ASIC2: variants seen among roughly 807,000 people sequenced by gnomAD.
The protein encoded by ASIC2 is acid-sensing ion channel 2.
In ASIC2, 25 loss-of-function variants were observed where a neutral mutation model predicts 57.3. The ratio of observed to expected loss-of-function variants is 0.44; its 90% CI spans 0.32 to 0.61. ASIC2 has a LOEUF of 0.61. ASIC2 is among the 20% of genes least tolerant of loss of function. The probability of loss-of-function intolerance (pLI) is 0.06; values close to 1 mark genes in which losing one functional copy is unlikely to be tolerated. For synonymous variants in ASIC2, 319 were observed against 307.5 expected, an observed-to-expected ratio of 1.04 and a Z score of -0.39; for missense variants, 641 against 738.1, an observed-to-expected ratio of 0.87 and a Z score of 1.52.
At chr17:33,067,137 G>A (rs1271351879) in intron 3 of ASIC2, among the ~76,000 whole-genome samples, 3 of 124,148 alleles carry the variant, frequency 2.4e-5, no homozygotes, top group Non-Finnish European at 5.5e-5. Flanking sequence ...CCAAAATAGA[G>A]TTCTTGCAGA....
intron 1 of ASIC2, among the ~76,000 whole-genome samples, chr17:33,824,522 A>G (rs757792220): frequency 6.6e-6 from 1 of 152,182 alleles, no homozygotes; most frequent in Non-Finnish European, 1.5e-5. Flanking sequence ...ATCAGATTCT[A>G]TTGAAATATC....
chr17:33,583,594 A>C (rs1337505000), intron 1 of ASIC2, among the ~76,000 whole-genome samples: 3 of 152,196 alleles, frequency 2.0e-5, no homozygotes, highest in Non-Finnish European at 4.4e-5. Flanking sequence ...CCCAAACTCC[A>C]AGACAATGCC....
intron 1 of ASIC2, among the ~76,000 whole-genome samples, chr17:33,739,925 A>C (rs1426260277): frequency 1.3e-5 from 2 of 150,910 alleles, no homozygotes; most frequent in East Asian, 3.8e-4. Flanking sequence ...AAGAAAAAAG[A>C]AAGAAAAAAG....
chr17:33,182,808 T>C (rs906350533), intron 1 of ASIC2, among the ~76,000 whole-genome samples: 32 of 152,328 alleles, frequency 2.1e-4, no homozygotes, highest in Middle Eastern at 3.4e-3. Context: ...AGGTACACAA[T>C]GGTAGACTGC....
At chr17:33,606,459 G>T (rs1905234937) in intron 1 of ASIC2, among the ~76,000 whole-genome samples, 1 of 152,114 alleles carries the variant, frequency 6.6e-6, no homozygotes, top group Non-Finnish European at 1.5e-5. Context: ...GAGGCATACG[G>T]GCTCCACAGC....
chr17:33,470,556 C>A (rs185386409), intron 1 of ASIC2, among the ~76,000 whole-genome samples: 28 of 152,330 alleles, frequency 1.8e-4, no homozygotes, highest in Non-Finnish European at 1.5e-5. Context: ...TGAGATTCTG[C>A]ATTTCTAATT....
chr17:33,083,155 A>G (rs2092120036), intron 3 of ASIC2, among the ~76,000 whole-genome samples: 1 of 152,190 alleles, frequency 6.6e-6, no homozygotes, highest in African/African-American at 2.4e-5. Context: ...TTGATTATCC[A>G]GTTGTACTTC....
chr17:34,015,228 T>C (rs1435390828), intron 1 of ASIC2, among the ~76,000 whole-genome samples: 1 of 152,116 alleles, frequency 6.6e-6, no homozygotes, highest in Non-Finnish European at 1.5e-5. Flanking sequence ...TCTTCATCTT[T>C]AAGTCTGGGG....
At chr17:34,149,114 C>T (rs1348566352) in intron 1 of ASIC2, among the ~76,000 whole-genome samples, 24 of 141,728 alleles carry the variant, frequency 1.7e-4, no homozygotes, top group South Asian at 2.2e-4. Flanking sequence ...TTTTTCTTTT[C>T]TTTTTTTTTT....
At chr17:33,870,860 G>A (rs537264220) in intron 1 of ASIC2, among the ~76,000 whole-genome samples, 1 of 152,254 alleles carries the variant, frequency 6.6e-6, no homozygotes, top group South Asian at 2.1e-4. Context: ...ACATATGTAG[G>A]CTTAATATAA....
At chr17:33,877,266 TG>T (rs1914571897) in intron 1 of ASIC2, among the ~76,000 whole-genome samples, 1 of 152,076 alleles carries the variant, frequency 6.6e-6, no homozygotes, top group Non-Finnish European at 1.5e-5. Flanking sequence ...TGTCGGACAG[TG>T]GGTGCAGGAC....
At chr17:33,080,048 C>T (rs1477296542) in intron 3 of ASIC2, among the ~76,000 whole-genome samples, 1 of 151,970 alleles carries the variant, frequency 6.6e-6, no homozygotes, top group African/African-American at 2.4e-5. Flanking sequence ...AATGTTGGGT[C>T]TGGAGCTCAG....
rs1025013445 is a variant in ASIC2, at chr17:33,855,683, G to C, written c.555+300295C>G. Among the ~76,000 whole-genome samples the C allele has an allele frequency of 1.2e-4, 18 of 152,162 alleles. 1 individual carries two copies. Among genetic ancestry groups the C allele is most frequent in the Admixed American group, 1.2e-3 (18 of 15,286 alleles). ...GACGATGGGGATGATAATGATGATG[G>C]GGGCAGGTTGAGGGTGGTGCTATGT... is the stretch of plus-strand genomic sequence containing the variant. On this transcript the variant is annotated intron_variant, in intron 1 of 9. Coordinates refer to the ASIC2 transcript ENST00000359872.
chr17:33,732,764 A>G (rs1909787119), intron 1 of ASIC2, among the ~76,000 whole-genome samples: 1 of 152,054 alleles, frequency 6.6e-6, no homozygotes, highest in African/African-American at 2.4e-5. Context: ...CAGCCTTCTG[A>G]GTAGCTGGGA....
At position 33,017,471 on chromosome 17, in the gene ASIC2, T is replaced by A. The variant is rs1284909348; in HGVS notation, c.1521+134A>T. 3 of 719,768 alleles carry A rather than the reference T, an allele frequency of 4.2e-6. No individual in the cohort carries two copies. The African/African-American group carries it at 5.4e-5, about 13-fold the overall frequency. 44.6% of individuals were successfully genotyped at this position (719,768 alleles called of 1,614,324 possible). On this transcript the variant is annotated intron_variant, in intron 8 of 9. Transcript: ENST00000225823. ...GAGCCTGGGCTTCAGTGATCGACTCTATTGGTGGACAGGAGGGGAAGCAGG... is the reference window on the plus strand; with the variant it reads ...GAGCCTGGGCTTCAGTGATCGACTCAATTGGTGGACAGGAGGGGAAGCAGG...
intron 1 of ASIC2, among the ~76,000 whole-genome samples, chr17:33,532,816 C>T (rs1341122666): frequency 6.6e-6 from 1 of 152,232 alleles, no homozygotes. Flanking sequence ...AACCTCTCCT[C>T]TTTCTGCCTA....
At chr17:33,206,001 T>C (rs1444303642) in intron 1 of ASIC2, among the ~76,000 whole-genome samples, 1 of 152,136 alleles carries the variant, frequency 6.6e-6, no homozygotes, top group Non-Finnish European at 1.5e-5. Context: ...ATGTTTCAAA[T>C]AAAATGCTCT....
chr17:33,400,302 C>G (rs544455194), intron 1 of ASIC2, among the ~76,000 whole-genome samples: 1 of 152,316 alleles, frequency 6.6e-6, no homozygotes, highest in African/African-American at 2.4e-5. Context: ...AAGGAAGAAG[C>G]AGTGCTCAGG....
chr17:34,153,612 G>A (rs1904608505), intron 1 of ASIC2, among the ~76,000 whole-genome samples: 1 of 152,174 alleles, frequency 6.6e-6, no homozygotes, highest in Non-Finnish European at 1.5e-5. Context: ...GTGCCCAGCT[G>A]GGGCCAGAGA....
Sources: gnomAD v4.1 joint callset for allele counts (sites outside exome capture counted in the v4.1 genomes callset) on GRCh38, gnomAD v4.1.1 for gene constraint, MANE v1.5 for transcripts, NCBI Gene and HGNC (gene_info 2026-07-23, HGNC 2026-07-21) for gene names.